The following DHX15 variants were observed in gnomAD, a reference collection of about 807,000 sequenced individuals.
The protein encoded by DHX15 is ATP-dependent RNA helicase DHX15.
Under a neutral mutation model 94.4 loss-of-function variants are expected in DHX15, and 11 were observed. The observed-to-expected ratio is 0.12, with a 90% CI of 0.07 to 0.19. The LOEUF (loss-of-function observed/expected upper bound fraction) is 0.19. Among genes scored for constraint, DHX15 ranks in the 10% least tolerant of loss-of-function variants. The pLI is 1.00. For missense variants in DHX15, 304 were observed against 988.5 expected (o/e 0.31, Z 9.29); for synonymous variants, 338 against 329.9 (o/e 1.02, Z -0.27).
intron 3 of DHX15, among the ~76,000 whole-genome samples, chr4:24,566,938 T>C (rs1308378780): frequency 6.6e-6 from 1 of 152,200 alleles, no homozygotes; most frequent in Non-Finnish European, 1.5e-5. Context: ...AATGTCAAAC[T>C]TTTTATTTAC....
At chr4:24,572,950 G>T (rs1468113301) in intron 2 of DHX15, among the ~76,000 whole-genome samples, 1 of 152,078 alleles carries the variant, frequency 6.6e-6, no homozygotes, top group Non-Finnish European at 1.5e-5. Flanking sequence ...TCACTCTGTT[G>T]CCCAGGCTGG....
In DHX15 at chr4:24,543,038, T is replaced by C. The variant is rs762787646; in HGVS notation, c.1249-12A>G. The C allele has an allele frequency of 1.3e-6, 2 of 1,572,416 alleles. No homozygotes were observed. Among genetic ancestry groups the C allele is most frequent in the African/African-American group, 1.4e-5 (1 of 74,036 alleles). On this transcript the variant is annotated splice_polypyrimidine_tract_variant and intron_variant, in intron 6 of 13. Transcript: ENST00000336812. Reference sequence around the variant, plus strand: ...GTTGACACAACTACCTGTTAAGAAATAGAGTATATAAATTATATTACATAT... The same window carrying C: ...GTTGACACAACTACCTGTTAAGAAACAGAGTATATAAATTATATTACATAT...
At chr4:24,546,023 A>C (rs374841260) in intron 6 of DHX15, among the ~76,000 whole-genome samples, 1 of 150,330 alleles carries the variant, frequency 6.7e-6, no homozygotes, top group East Asian at 1.9e-4. Context: ...ACTTCCCCCC[A>C]CTCCGCCCCC....
chr4:24,529,842 T>C (rs1476079333), intron 12 of DHX15, 72 bp from the exon 13 acceptor site: 6 of 1,462,778 alleles, frequency 4.1e-6, no homozygotes, highest in Non-Finnish European at 5.7e-6. Flanking sequence ...CCTACATAAT[T>C]AGGAAGAGGC....
chr4:24,546,326 C>T (rs770420388), intron 6 of DHX15, among the ~76,000 whole-genome samples: 19 of 151,996 alleles, frequency 1.3e-4, no homozygotes, highest in Admixed American at 2.0e-4. Context: ...TATTAATCAG[C>T]GAAATGTAGG....
At position 24,584,440 on chromosome 4, in the gene DHX15, C is replaced by T. The variant is rs1722561021; in HGVS notation, c.-47G>A. The T allele has an allele frequency of 1.9e-6, 3 of 1,581,800 alleles. No homozygotes were observed. The highest frequency in any genetic ancestry group is 2.3e-5 in the East Asian group (1 of 43,258). The stretch of plus-strand genomic sequence containing the variant: ...AGTTATTAAGGAAGAAAGCTGGCTG[C>T]TGTATGGGCACAGTCGAGGACAGCC... On this transcript the variant is annotated 5_prime_UTR_variant, in exon 1 of 14. Coordinates refer to ENST00000336812, the MANE Select transcript of DHX15 (RefSeq NM_001358.3).
chr4:24,559,375 TAAAAAAAA>T (rs535455690), intron 3 of DHX15, among the ~76,000 whole-genome samples: 2 of 93,366 alleles, frequency 2.1e-5, no homozygotes, highest in African/African-American at 3.7e-5. Flanking sequence ...TTTAAGCCAC[TAAAAAAAA>T]AAAAAAAAAA....
chr4:24,527,848 G>T lies in DHX15; in HGVS notation c.*76C>A. Reference sequence around the variant, plus strand: ...AAGGCCATTATCGAACCAACGTGAAGAGCACAACTCGAACTTTTGAGTTCA... The same window carrying T: ...AAGGCCATTATCGAACCAACGTGAATAGCACAACTCGAACTTTTGAGTTCA... On this transcript the variant is annotated 3_prime_UTR_variant, in exon 14 of 14. Transcript: ENST00000336812. The T allele has an allele frequency of 9.7e-7, 1 of 1,027,812 alleles. No individual in the cohort carries two copies. The highest frequency in any genetic ancestry group is 1.5e-6 in the Non-Finnish European group (1 of 657,850). 63.7% of individuals were successfully genotyped at this position (1,027,812 alleles called of 1,614,324 possible).
At chr4:24,571,764 T>C (rs371981347) in intron 2 of DHX15, among the ~76,000 whole-genome samples, 166 of 152,338 alleles carry the variant, frequency 1.1e-3, no homozygotes, top group African/African-American at 3.6e-3. Flanking sequence ...ATAAGGAATA[T>C]TGGTGGCTGC....
At chr4:24,554,401 TG>T (rs1173637901) in intron 5 of DHX15, among the ~76,000 whole-genome samples, 1 of 152,192 alleles carries the variant, frequency 6.6e-6, no homozygotes, top group African/African-American at 2.4e-5. Context: ...GAAGATAACC[TG>T]ATTTCAAAGC....
chr4:24,569,476 C>T (rs1238434030), intron 3 of DHX15, among the ~76,000 whole-genome samples: 1 of 151,286 alleles, frequency 6.6e-6, no homozygotes, highest in Non-Finnish European at 1.5e-5. Flanking sequence ...CCTATAGTCC[C>T]AGCTACCTGA....
intron 3 of DHX15, among the ~76,000 whole-genome samples, chr4:24,564,795 A>G (rs1416740118): frequency 6.6e-6 from 1 of 152,204 alleles, no homozygotes; most frequent in Non-Finnish European, 1.5e-5. Context: ...TACTAGATGT[A>G]AATGCTCACA....
intron 12 of DHX15, 64 bp from the exon 13 acceptor site, chr4:24,529,834 T>A: frequency 1.3e-6 from 2 of 1,517,074 alleles, no homozygotes; most frequent in African/African-American, 1.4e-5. Context: ...TAAAGCTACC[T>A]ACATAATTAG....
In DHX15 at chr4:24,541,228, C is replaced by T. The variant is rs552918436; in HGVS notation, c.1486-280G>A. Among the ~76,000 whole-genome samples, 9 of 152,254 alleles carry T rather than the reference C, an allele frequency of 5.9e-5. No homozygotes were observed. In the South Asian group the frequency reaches 1.9e-3, roughly 32 times the overall value. On this transcript the variant is annotated intron_variant, in intron 8 of 13. Transcript: ENST00000336812. ...TCTGAACTCGCAATTTCCATGGTTTCAGTTAAGCAGTGTCAACAGAAAAAA... is the reference window on the plus strand; with the variant it reads ...TCTGAACTCGCAATTTCCATGGTTTTAGTTAAGCAGTGTCAACAGAAAAAA...
At chr4:24,565,323 C>T (rs1013720707) in intron 3 of DHX15, among the ~76,000 whole-genome samples, 1 of 152,170 alleles carries the variant, frequency 6.6e-6, no homozygotes, top group African/African-American at 2.4e-5. Flanking sequence ...AATTCTACTT[C>T]TAGGGTGACC....
chr4:24,562,957 T>C (rs1234718144), intron 3 of DHX15, among the ~76,000 whole-genome samples: 2 of 152,120 alleles, frequency 1.3e-5, no homozygotes, highest in Non-Finnish European at 2.9e-5. Flanking sequence ...TTCTAAATGT[T>C]TGAGTTTAAA....
chr4:24,562,202 C>A lies in DHX15; in HGVS notation c.702-5792G>T, dbSNP rs571225237. On this transcript the variant is annotated intron_variant, in intron 3 of 13. Coordinates refer to ENST00000336812, the MANE Select transcript of DHX15 (RefSeq NM_001358.3). ...ACATGCAATTTACCTATACAGCAAACCTGCACATATACCCTTGAACCTAAA... is the reference window on the plus strand; with the variant it reads ...ACATGCAATTTACCTATACAGCAAAACTGCACATATACCCTTGAACCTAAA... 6.7e-5 allele frequency among the ~76,000 whole-genome samples: 10 copies of A among 149,036 alleles called. 1 individual carries two copies. In the South Asian group the frequency reaches 2.1e-3, roughly 32 times the overall value.
At chr4:24,576,138 A>ATGTT (rs1722262674) in intron 2 of DHX15, 105 bp downstream of exon 2, 2 of 858,988 alleles carry the variant, frequency 2.3e-6, no homozygotes, top group Non-Finnish European at 3.6e-6. Flanking sequence ...ATTCTTCAAG[A>ATGTT]TGTTCTATAG....
intron 1 of DHX15, among the ~76,000 whole-genome samples, chr4:24,583,483 A>AC (rs1722515559): frequency 6.6e-6 from 1 of 151,916 alleles, no homozygotes; most frequent in Non-Finnish European, 1.5e-5. Context: ...GAAAAAAAAA[A>AC]ACAATGCCTT....
Sources: allele counts gnomAD v4.1 joint callset (sites outside exome capture counted in the v4.1 genomes callset), GRCh38; gene constraint gnomAD v4.1.1; transcripts MANE v1.5; gene names NCBI Gene and HGNC (gene_info 2026-07-23, HGNC 2026-07-21).